The following ATP5F1C variants were observed in gnomAD, a reference collection of about 807,000 sequenced individuals.
The protein encoded by ATP5F1C is ATP synthase F1 subunit gamma, also known as ATP synthase F(1) complex subunit gamma, mitochondrial.
Under a neutral mutation model 37.4 loss-of-function variants are expected in ATP5F1C, and 22 were observed. The ratio of observed to expected loss-of-function variants is 0.59; its 90% CI spans 0.42 to 0.84. ATP5F1C has a LOEUF of 0.84. ATP5F1C is among the 40% of genes least tolerant of loss of function. ATP5F1C has a pLI of 0.00. For missense variants in ATP5F1C, 286 were observed against 362.4 expected (o/e 0.79, Z 1.71); for synonymous variants, 121 against 128.0 (o/e 0.95, Z 0.37).
rs767033195 is a variant in ATP5F1C, at chr10:7,800,078, C to A, written c.624C>A (p.Thr208=). The A allele has an allele frequency of 6.2e-7, 1 of 1,613,900 alleles. No homozygotes were observed. The highest frequency in any genetic ancestry group is 1.1e-5 in the South Asian group (1 of 91,064). The change falls in exon 6 of 10, where the codon ACC becomes ACA. Residue 208 remains threonine (T), a synonymous_variant. Transcript: ENST00000356708. ...TEEKPIFSLN[T]VASADSMSIY... ...AAAAGCCCATCTTTTCCCTTAATAC[C>A]GTTGCAAGTGCTGGTAAGTAGTTTT... is the stretch of plus-strand genomic sequence containing the variant.
rs536276305 is a variant in ATP5F1C, at chr10:7,800,598, C to T, written c.637+507C>T. ...CAACCTTCGCCTCCCGGGTTCACGC[C>T]GTTCTCCTGCCTCAGCCTCCCAAGT... On this transcript the variant is annotated intron_variant, in intron 6 of 9. Transcript: ENST00000356708. Among the ~76,000 whole-genome samples the T allele has an allele frequency of 1.1e-4, 17 of 151,898 alleles. No homozygotes were observed. In the South Asian group the frequency reaches 3.1e-3, roughly 28 times the overall value.
chr10:7,800,646 C>T (rs1439442849), intron 6 of ATP5F1C, among the ~76,000 whole-genome samples: 3 of 152,068 alleles, frequency 2.0e-5, no homozygotes, highest in Non-Finnish European at 2.9e-5. Flanking sequence ...AGGTGCACGC[C>T]ACCACGCCTG....
At chr10:7,799,362 A>G (rs1786851281) in intron 4 of ATP5F1C, 168 bp downstream of exon 4, 1 of 632,170 alleles carries the variant, frequency 1.6e-6, no homozygotes, top group African/African-American at 1.8e-5. Flanking sequence ...TCTTTTTTCC[A>G]GGATATATTG....
chr10:7,798,974 TTTG>T lies in ATP5F1C; in HGVS notation c.224-13_224-11del. ...TATTGCATATAAAAAAATTACTGCT[TTTG>T]TTTGTTTTTAAGCTCTGTATGAAAA... On this transcript the variant is annotated splice_polypyrimidine_tract_variant and intron_variant, in intron 3 of 9. Transcript: ENST00000356708. 6.2e-7 allele frequency: 1 copy of T among 1,607,676 alleles called. No homozygotes were observed. The highest frequency in any genetic ancestry group is 8.5e-7 in the Non-Finnish European group (1 of 1,177,644).
chr10:7,797,225 A>G lies in ATP5F1C; in HGVS notation c.223+47A>G. 1.2e-6 allele frequency: 2 copies of G among 1,601,276 alleles called. 1 individual carries two copies. Among genetic ancestry groups the G allele is most frequent in the South Asian group, 2.2e-5 (2 of 89,896 alleles). ...CAAATTAGGAAGAACTGTTTCACAC[A>G]AGGAAGACTACTGATGACTTACATT... On this transcript the variant is annotated intron_variant, in intron 3 of 9. Transcript: ENST00000356708.
At position 7,807,744 on chromosome 10, in the gene ATP5F1C, T is replaced by G; in HGVS notation, c.*116T>G. ...AGAAACTGTTCCTCCATTATTTGAA[T>G]TACTGAAGACAGCAAGATATTTGTA... On this transcript the variant is annotated 3_prime_UTR_variant, in exon 10 of 10. Transcript: ENST00000356708. 6.9e-7 allele frequency: 1 copy of G among 1,455,596 alleles called. No individual in the cohort carries two copies. Among genetic ancestry groups the G allele is most frequent in the Non-Finnish European group, 9.4e-7 (1 of 1,058,478 alleles). The allele number at this position is 1,455,596 out of a possible 1,614,324, so 90.2% of individuals were successfully genotyped here. A position where few individuals can be genotyped will look rare whatever the true frequency, so the allele number is the denominator to read the frequency against.
At chr10:7,806,063 A>T (rs1448207187) in intron 8 of ATP5F1C, among the ~76,000 whole-genome samples, 1 of 152,202 alleles carries the variant, frequency 6.6e-6, no homozygotes, top group South Asian at 2.1e-4. Context: ...AAAACCAAGA[A>T]TTTAGAAAAA....
At chr10:7,798,541 G>A (rs1407712837) in intron 3 of ATP5F1C, among the ~76,000 whole-genome samples, 1 of 152,154 alleles carries the variant, frequency 6.6e-6, no homozygotes, top group Non-Finnish European at 1.5e-5. Context: ...CAAGTAGCTG[G>A]GGCTACAGGC....
intron 1 of ATP5F1C, among the ~76,000 whole-genome samples, chr10:7,789,662 T>A (rs569563053): frequency 6.6e-6 from 1 of 152,204 alleles, no homozygotes; most frequent in African/African-American, 2.4e-5. Context: ...TGGCATGCAG[T>A]GGTGCTCTGC....
intron 1 of ATP5F1C, among the ~76,000 whole-genome samples, chr10:7,793,656 G>A (rs371052105): frequency 6.6e-6 from 1 of 152,168 alleles, no homozygotes; most frequent in African/African-American, 2.4e-5. Flanking sequence ...TTTCTGTCAT[G>A]GATCATGCTT....
At chr10:7,804,778 C>G (rs1836441457) in intron 8 of ATP5F1C, among the ~76,000 whole-genome samples, 1 of 152,170 alleles carries the variant, frequency 6.6e-6, no homozygotes, top group African/African-American at 2.4e-5. Flanking sequence ...AATGAAATGC[C>G]ATATGTATTC....
chr10:7,802,836 T>C lies in ATP5F1C; in HGVS notation c.872T>C (p.Ile291Thr). 1 of 1,613,862 alleles carries C rather than the reference T, an allele frequency of 6.2e-7. No homozygotes were observed. The highest frequency in any genetic ancestry group is 8.5e-7 in the Non-Finnish European group (1 of 1,179,880). Residue 291 changes from isoleucine to threonine, a missense_variant, in exon 8 of 10, where the codon ATC becomes ACC. Transcript: ENST00000356708. Reference sequence around the variant, plus strand: ...ATCACAAAAGAGTTGATTGAAATTATCTCTGGTGCTGCAGCTCTGTGAGTA... The same window carrying C: ...ATCACAAAAGAGTTGATTGAAATTACCTCTGGTGCTGCAGCTCTGTGAGTA... Reference protein sequence around the residue: ...AVITKELIEIISGAAALD With the variant: ...AVITKELIEITSGAAALD
chr10:7,799,320 G>A (rs1257244349), intron 4 of ATP5F1C, 126 bp downstream of exon 4: 2 of 836,812 alleles, frequency 2.4e-6, no homozygotes, highest in African/African-American at 1.7e-5. Flanking sequence ...GCCTTTTTTG[G>A]TATATTCACA....
Position 7,800,389 on chromosome 10 carries a change from G to A in ATP5F1C, c.637+298G>A, listed in dbSNP as rs181376294. Among the ~76,000 whole-genome samples the A allele has an allele frequency of 2.0e-5, 3 of 151,746 alleles. No individual in the cohort carries two copies. In the East Asian group the frequency reaches 5.8e-4, roughly 29 times the overall value. ...TTTTTGTATTTTTAGTAGAGACGGG[G>A]TTTCACCATGTTAGCCAGGATGGTC... On this transcript the variant is annotated intron_variant, in intron 6 of 9. Transcript: ENST00000356708.
chr10:7,804,028 A>T lies in ATP5F1C; in HGVS notation c.890+1174A>T, dbSNP rs144230979. The T allele has an allele frequency of 8.0e-5, 41 of 513,676 alleles. No homozygotes were observed. The East Asian group carries it at 2.2e-3, about 27-fold the overall frequency. 31.8% of individuals were successfully genotyped at this position (513,676 alleles called of 1,614,324 possible). The stretch of plus-strand genomic sequence containing the variant: ...ACACTGAGGATACAGTGGTAACAGT[A>T]TTTGCCTTCAGAGAGCTCAGTCTTC... On this transcript the variant is annotated intron_variant, in intron 8 of 9. Coordinates refer to ENST00000356708, the MANE Select transcript of ATP5F1C (RefSeq NM_001001973.3).
In ATP5F1C at chr10:7,799,553, G is replaced by A. The variant is rs1836311006; in HGVS notation, c.429-219G>A. On this transcript the variant is annotated intron_variant, in intron 4 of 9. Coordinates refer to ENST00000356708, the MANE Select transcript of ATP5F1C (RefSeq NM_001001973.3). ...GGATTAGAAGGAGAGGAATAAAGGGGAAAAGAATATAAAACAGACCTCATT... is the reference window on the plus strand; with the variant it reads ...GGATTAGAAGGAGAGGAATAAAGGGAAAAAGAATATAAAACAGACCTCATT... The A allele has an allele frequency of 8.5e-6, 5 of 591,254 alleles. No individual in the cohort carries two copies. In the South Asian group the frequency reaches 9.4e-5, roughly 11 times the overall value. 36.6% of individuals were successfully genotyped at this position (591,254 alleles called of 1,614,324 possible).
chr10:7,802,210 T>G, intron 6 of ATP5F1C, 60 bp from the exon 7 acceptor site: 1 of 1,512,202 alleles, frequency 6.6e-7, no homozygotes, highest in Non-Finnish European at 8.8e-7. Flanking sequence ...AAAAGCTGTT[T>G]TTGATGAATT....
At chr10:7,799,667 A>T (rs1165897785) in intron 4 of ATP5F1C, 105 bp from the exon 5 acceptor site, 1 of 1,380,162 alleles carries the variant, frequency 7.2e-7, no homozygotes, top group Non-Finnish European at 9.9e-7. Context: ...CCCATACCCC[A>T]AAAGACCTGA....
chr10:7,797,585 G>A (rs530100569), intron 3 of ATP5F1C, among the ~76,000 whole-genome samples: 3 of 152,276 alleles, frequency 2.0e-5, no homozygotes, highest in Non-Finnish European at 2.9e-5. Flanking sequence ...CTTGGAAACC[G>A]TGCGTTAGAT....
Sources: allele counts gnomAD v4.1 joint callset (sites outside exome capture counted in the v4.1 genomes callset), GRCh38; gene constraint gnomAD v4.1.1; transcripts MANE v1.5; gene names NCBI Gene and HGNC (gene_info 2026-07-23, HGNC 2026-07-21).